Variants in DSCAML1 observed in about 807,000 individuals in gnomAD.
DSCAML1 encodes the protein DS cell adhesion molecule like 1.
DSCAML1 carries 38 observed loss-of-function variants against 200.5 expected under a neutral mutation model. The ratio of observed to expected loss-of-function variants is 0.19; its 90% CI spans 0.15 to 0.25. DSCAML1 has a LOEUF of 0.25. DSCAML1 is among the 10% of genes least tolerant of loss of function. The pLI is 1.00. For missense variants in DSCAML1, 2,223 were observed against 2,858.8 expected (o/e 0.78, Z 5.07); for synonymous variants, 1,215 against 1,165.0 (o/e 1.04, Z -0.87).
At chr11:117,449,739 G>A (rs576866248) in intron 20 of DSCAML1, among the ~76,000 whole-genome samples, 20 of 152,320 alleles carry the variant, frequency 1.3e-4, no homozygotes, top group African/African-American at 4.6e-4. Flanking sequence ...CCCCTTGAGG[G>A]CAGGTATCTG....
At chr11:117,747,498 G>A (rs2054537058) in intron 3 of DSCAML1, among the ~76,000 whole-genome samples, 4 of 152,118 alleles carry the variant, frequency 2.6e-5, no homozygotes, top group South Asian at 2.1e-4. Flanking sequence ...AATACTGAAC[G>A]CAAGGTAGGG....
chr11:117,461,314 C>T, intron 18 of DSCAML1, 136 bp downstream of exon 18: 2 of 1,277,924 alleles, frequency 1.6e-6, no homozygotes, highest in Middle Eastern at 3.9e-4. Flanking sequence ...CGTGGTCTCC[C>T]CGTGTGGAGA....
chr11:117,509,165 G>A (rs920477003), intron 8 of DSCAML1, among the ~76,000 whole-genome samples: 5 of 152,086 alleles, frequency 3.3e-5, no homozygotes, highest in African/African-American at 1.2e-4. Context: ...CAGATGCTGA[G>A]CTCAAGCAGA....
intron 3 of DSCAML1, among the ~76,000 whole-genome samples, chr11:117,635,662 A>C (rs943418028): frequency 6.6e-6 from 1 of 151,988 alleles, no homozygotes; most frequent in Non-Finnish European, 1.5e-5. Flanking sequence ...ATGGGAAGGA[A>C]AAGAGAAAGG....
intron 3 of DSCAML1, among the ~76,000 whole-genome samples, chr11:117,665,583 G>A (rs1244542303): frequency 6.6e-6 from 1 of 152,190 alleles, no homozygotes; most frequent in African/African-American, 2.4e-5. Context: ...AAGCTGCAAT[G>A]GCTTCCTGGA....
In DSCAML1 at chr11:117,797,022, C is replaced by A; in HGVS notation, c.46+12G>T. The A allele has an allele frequency of 6.9e-7, 1 of 1,457,402 alleles. No individual in the cohort carries two copies. The highest frequency in any genetic ancestry group is 9.1e-7 in the Non-Finnish European group (1 of 1,096,704). 90.3% of individuals were successfully genotyped at this position (1,457,402 alleles called of 1,614,324 possible). A position where few individuals can be genotyped will look rare whatever the true frequency, so the allele number is the denominator to read the frequency against. ...GCCGCCTCCGCCGCCCAGCCGCCCG[C>A]GCAGGTCTCACCTTTGTGTAAAGAG... On this transcript the variant is annotated intron_variant, in intron 1 of 32. Transcript: ENST00000651296.
intron 3 of DSCAML1, among the ~76,000 whole-genome samples, chr11:117,752,332 C>T (rs1472122518): frequency 2.6e-5 from 4 of 152,164 alleles, no homozygotes; most frequent in African/African-American, 7.2e-5. Flanking sequence ...ACTCAGGTGA[C>T]TCATGTTAGG....
chr11:117,525,249 G>T (rs763148838), intron 4 of DSCAML1, among the ~76,000 whole-genome samples, 166 bp from the exon 5 acceptor site: 1 of 152,184 alleles, frequency 6.6e-6, no homozygotes, highest in African/African-American at 2.4e-5. Context: ...GGTGCACTGT[G>T]TCTTCTGTGC....
chr11:117,813,922 G>C (rs1225265363), intron 1 of DSCAML1, among the ~76,000 whole-genome samples: 2 of 152,330 alleles, frequency 1.3e-5, no homozygotes, highest in East Asian at 3.9e-4. Context: ...CCCAAGCCAA[G>C]CCATCGCATC....
At chr11:117,433,023 G>A (rs2047834692) in intron 29 of DSCAML1, 115 bp downstream of exon 29, 1 of 855,242 alleles carries the variant, frequency 1.2e-6, no homozygotes, top group African/African-American at 1.7e-5. Flanking sequence ...GTGGTTGATG[G>A]GGCTACTGCC....
intron 3 of DSCAML1, among the ~76,000 whole-genome samples, chr11:117,712,484 G>A (rs952982264): frequency 6.6e-6 from 1 of 152,128 alleles, no homozygotes; most frequent in African/African-American, 2.4e-5. Flanking sequence ...GGAGAGAAAG[G>A]TTAGGGCTGG....
chr11:117,451,139 A>G (rs1409378874), intron 19 of DSCAML1, among the ~76,000 whole-genome samples: 1 of 152,190 alleles, frequency 6.6e-6, no homozygotes, highest in Non-Finnish European at 1.5e-5. Flanking sequence ...GTTTTCTGGC[A>G]TGAGCCCAGG....
At chr11:117,458,137 T>C (rs1394801045) in intron 19 of DSCAML1, among the ~76,000 whole-genome samples, 1 of 152,176 alleles carries the variant, frequency 6.6e-6, no homozygotes, top group Non-Finnish European at 1.5e-5. Context: ...TCCTGGCCTG[T>C]TCCTCCTGGG....
intron 17 of DSCAML1, among the ~76,000 whole-genome samples, chr11:117,462,157 A>G (rs958275690): frequency 6.6e-6 from 1 of 152,194 alleles, no homozygotes; most frequent in Non-Finnish European, 1.5e-5. Flanking sequence ...CTGGTGCAGG[A>G]GAGGAGTTTC....
At chr11:117,726,406 A>G (rs1011772999) in intron 3 of DSCAML1, among the ~76,000 whole-genome samples, 1 of 152,068 alleles carries the variant, frequency 6.6e-6, no homozygotes, top group Non-Finnish European at 1.5e-5. Context: ...TTAGTATAGG[A>G]AAAAATCCCT....
chr11:117,659,758 G>A (rs10790199), intron 3 of DSCAML1, among the ~76,000 whole-genome samples: 59,324 of 151,338 alleles, frequency 0.39, 12,252 homozygotes, highest in African/African-American at 0.51. Flanking sequence ...TCGCTCTGTC[G>A]CCCAGGCTGG....
intron 3 of DSCAML1, among the ~76,000 whole-genome samples, chr11:117,572,028 C>T (rs976657302): frequency 6.6e-6 from 1 of 152,214 alleles, no homozygotes; most frequent in African/African-American, 2.4e-5. Context: ...ATAATCCACC[C>T]CTTGTTTAGC....
Position 117,450,652 on chromosome 11 carries a change from G to A in DSCAML1, c.3605C>T (p.Ser1202Leu). The change falls in exon 20 of 33, where the codon TCA becomes TTA. Residue 1202 changes from serine (S) to leucine (L), a missense_variant. Ser to Leu is a moderately radical substitution (Grantham distance 145). This residue lies in a region of DSCAML1 where 438 missense variants were observed against 629.7 expected (regional missense o/e 0.70). Coordinates refer to ENST00000651296, the MANE Select transcript of DSCAML1 (RefSeq NM_020693.4). ...AGACACAACCACACTGCTAGCTGATGAAGGGACAGCTTTGATGCCAGCAGG... is the reference window on the plus strand; with the variant it reads ...AGACACAACCACACTGCTAGCTGATAAAGGGACAGCTTTGATGCCAGCAGG... ...GPPAGIKAVP[S>L]SASSVVVSWL... 6.2e-7 allele frequency: 1 copy of A among 1,614,202 alleles called. No individual in the cohort carries two copies. Among genetic ancestry groups the A allele is most frequent in the Non-Finnish European group, 8.5e-7 (1 of 1,180,028 alleles).
chr11:117,715,810 T>A (rs2053943248), intron 3 of DSCAML1, among the ~76,000 whole-genome samples: 1 of 152,090 alleles, frequency 6.6e-6, no homozygotes, highest in South Asian at 2.1e-4. Flanking sequence ...CTTGTAACCA[T>A]CCCAGACGAG....
Sources: gnomAD v4.1 joint callset for allele counts (sites outside exome capture counted in the v4.1 genomes callset) on GRCh38, gnomAD v4.1.1 for gene constraint, gnomAD v4.1.1 regional missense constraint, MANE v1.5 for transcripts, NCBI Gene and HGNC (gene_info 2026-07-23, HGNC 2026-07-21) for gene names.